Variants in MTDH observed in about 807,000 individuals in gnomAD.
The protein encoded by MTDH is protein LYRIC.
In MTDH, 34 loss-of-function variants were observed where a neutral mutation model predicts 72.7. The observed-to-expected ratio is 0.47, with a 90% CI of 0.36 to 0.62. The LOEUF (loss-of-function observed/expected upper bound fraction) is 0.62. Among genes scored for constraint, MTDH ranks in the 20% least tolerant of loss-of-function variants. The probability of loss-of-function intolerance (pLI) is 0.00; values close to 1 mark genes in which losing one functional copy is unlikely to be tolerated. For missense variants in MTDH, 677 were observed against 699.4 expected (o/e 0.97, Z 0.36); for synonymous variants, 266 against 268.9 (o/e 0.99, Z 0.10).
chr8:97,682,444 G>A (rs1813175820), intron 2 of MTDH, among the ~76,000 whole-genome samples: 3 of 148,378 alleles, frequency 2.0e-5, no homozygotes, highest in South Asian at 4.3e-4. Flanking sequence ...GATTATAGGC[G>A]CCCGCCACCA....
chr8:97,653,084 A>G (rs999294212), intron 1 of MTDH, among the ~76,000 whole-genome samples: 3 of 151,692 alleles, frequency 2.0e-5, no homozygotes, highest in Non-Finnish European at 2.9e-5. Context: ...GCACCACTGT[A>G]CTCTAGCCTG....
chr8:97,667,491 T>G (rs28799093), intron 2 of MTDH, among the ~76,000 whole-genome samples: 1 of 152,204 alleles, frequency 6.6e-6, no homozygotes, highest in Non-Finnish European at 1.5e-5. Flanking sequence ...AAAACACTTA[T>G]GCAATGGCTT....
intron 5 of MTDH, among the ~76,000 whole-genome samples, chr8:97,690,492 T>C (rs1368900351): frequency 1.3e-5 from 2 of 152,218 alleles, no homozygotes; most frequent in Non-Finnish European, 2.9e-5. Context: ...ACTCTACATA[T>C]ATAATGATAC....
chr8:97,722,851 A>G (rs773339883), intron 10 of MTDH, 28 bp from the exon 11 acceptor site: 12 of 1,576,292 alleles, frequency 7.6e-6, no homozygotes, highest in Non-Finnish European at 9.4e-6. Context: ...TTCACCAAAA[A>G]ACCTGAGATG....
Position 97,724,902 on chromosome 8 carries a change from T to C in MTDH, c.*232T>C, listed in dbSNP as rs11779719. 9.8e-3 allele frequency: 3,402 copies of C among 345,688 alleles called. 27 individuals are homozygous for C. The highest frequency in any genetic ancestry group is 0.014 in the Non-Finnish European group (2,729 of 191,348). The allele number at this position is 345,688 out of a possible 1,614,324, so 21.4% of individuals were successfully genotyped here. On this transcript the variant is annotated 3_prime_UTR_variant, in exon 12 of 12. Coordinates refer to ENST00000336273, the MANE Select transcript of MTDH (RefSeq NM_178812.4). ...AAGACACTTGGGAAAGTCTTTTTAA[T>C]AGAACAAGAACGATCTTAATTTAAG...
At chr8:97,698,956 C>T (rs1327170593) in intron 6 of MTDH, among the ~76,000 whole-genome samples, 1 of 151,222 alleles carries the variant, frequency 6.6e-6, no homozygotes, top group East Asian at 2.0e-4. Context: ...CTGGGCAACA[C>T]AGGGAAGACC....
At chr8:97,711,637 C>T (rs1435543878) in intron 8 of MTDH, among the ~76,000 whole-genome samples, 1 of 152,174 alleles carries the variant, frequency 6.6e-6, no homozygotes, top group Non-Finnish European at 1.5e-5. Flanking sequence ...TCCACTTATA[C>T]ACGGGATACA....
intron 1 of MTDH, among the ~76,000 whole-genome samples, chr8:97,657,264 T>C (rs2130925026): frequency 6.6e-6 from 1 of 152,300 alleles, no homozygotes; most frequent in South Asian, 2.1e-4. Flanking sequence ...ATTCTATCAT[T>C]TTTCTGTTAC....
At chr8:97,693,563 T>C (rs1259915080) in intron 6 of MTDH, among the ~76,000 whole-genome samples, 2 of 151,914 alleles carry the variant, frequency 1.3e-5, no homozygotes, top group African/African-American at 2.4e-5. Context: ...CCTGACCTCA[T>C]GATTCACCTA....
At chr8:97,706,526 CTT>C in intron 7 of MTDH, 98 bp from the exon 8 acceptor site, 2 of 1,175,858 alleles carry the variant, frequency 1.7e-6, no homozygotes, top group South Asian at 4.2e-5. Flanking sequence ...AGAACAATAA[CTT>C]AAAATTACAG....
chr8:97,656,385 A>G (rs548014474), intron 1 of MTDH, among the ~76,000 whole-genome samples: 5 of 147,856 alleles, frequency 3.4e-5, no homozygotes, highest in African/African-American at 1.3e-4. Context: ...GCTCACTGCA[A>G]CCTCCGCATC....
intron 5 of MTDH, among the ~76,000 whole-genome samples, chr8:97,689,957 C>T (rs1405195737): frequency 1.3e-5 from 2 of 149,304 alleles, no homozygotes; most frequent in African/African-American, 5.0e-5. Flanking sequence ...GATCCACCCA[C>T]TGCAGCCTCC....
At chr8:97,675,559 CAAAA>C (rs869166884) in intron 2 of MTDH, among the ~76,000 whole-genome samples, 1 of 50,970 alleles carries the variant, frequency 2.0e-5, no homozygotes, top group Non-Finnish European at 4.7e-5. Context: ...GACTCTGTCT[CAAAA>C]AAAAAAAAAA....
intron 2 of MTDH, among the ~76,000 whole-genome samples, chr8:97,677,905 G>C (rs1812920909): frequency 6.6e-6 from 1 of 152,100 alleles, no homozygotes; most frequent in South Asian, 2.1e-4. Context: ...TTTAAATAGA[G>C]AAAGAAATAC....
intron 1 of MTDH, among the ~76,000 whole-genome samples, chr8:97,654,609 G>C (rs762043218): frequency 6.6e-6 from 1 of 151,446 alleles, no homozygotes; most frequent in Non-Finnish European, 1.5e-5. Flanking sequence ...GGAATGTGCA[G>C]GTTTGTTACA....
intron 9 of MTDH, among the ~76,000 whole-genome samples, chr8:97,715,733 C>T (rs1261274207): frequency 6.6e-6 from 1 of 152,124 alleles, no homozygotes. Context: ...CCAAGTTTTT[C>T]TTGAATTTCT....
intron 2 of MTDH, among the ~76,000 whole-genome samples, chr8:97,682,235 TATATA>T (rs1813115516): frequency 5.4e-4 from 1 of 1,848 alleles, no homozygotes; most frequent in Non-Finnish European, 1.2e-3. Context: ...TTACTTTATA[TATATA>T]TATATATATA....
intron 6 of MTDH, among the ~76,000 whole-genome samples, chr8:97,693,741 G>C (rs1281012248): frequency 2.0e-5 from 3 of 151,526 alleles, no homozygotes; most frequent in Admixed American, 6.6e-5. Context: ...TTTGAGACAG[G>C]GTCGTACTCT....
intron 2 of MTDH, among the ~76,000 whole-genome samples, chr8:97,662,812 A>G (rs1812225558): frequency 6.7e-6 from 1 of 149,954 alleles, no homozygotes; most frequent in African/African-American, 2.5e-5. Context: ...AGAAAGAAAG[A>G]AATGGTTGCT....
Sources: allele counts gnomAD v4.1 joint callset (sites outside exome capture counted in the v4.1 genomes callset), GRCh38; gene constraint gnomAD v4.1.1; transcripts MANE v1.5; gene names NCBI Gene and HGNC (gene_info 2026-07-23, HGNC 2026-07-21).